Variants in POLH observed in about 807,000 individuals in gnomAD.
POLH encodes DNA polymerase eta.
Under a neutral mutation model 73.6 loss-of-function variants are expected in POLH, and 53 were observed. The observed-to-expected ratio is 0.72, with a 90% CI of 0.58 to 0.91. The LOEUF (loss-of-function observed/expected upper bound fraction) is 0.91. Among genes scored for constraint, POLH ranks in the 40% least tolerant of loss-of-function variants. POLH has a pLI of 0.00. For synonymous variants in POLH, 292 were observed against 308.5 expected (o/e 0.95, Z 0.56); for missense variants, 768 against 865.4 (o/e 0.89, Z 1.41).
At position 43,619,067 on chromosome 6, in the gene POLH, C is replaced by T. The variant is rs559406866; in HGVS notation, c.*4510C>T. ...AAAAATATTTTCTGCTTTTATGATA[C>T]TTGAATATCTAATAAAAGACAATAT... On this transcript the variant is annotated 3_prime_UTR_variant, in exon 11 of 11. Coordinates refer to ENST00000372236, the MANE Select transcript of POLH (RefSeq NM_006502.3). Among the ~76,000 whole-genome samples the T allele has an allele frequency of 4.6e-5, 7 of 151,658 alleles. No homozygotes were observed. Among genetic ancestry groups the T allele is most frequent in the African/African-American group, 1.7e-4 (7 of 41,320 alleles).
In POLH at chr6:43,583,004, T is replaced by G. The variant is rs764562240; in HGVS notation, c.138-3T>G. ...TTCTGTTTCCTTTTTTTTCTAACCT[T>G]AGAATAATTGCAGTGAGTTATGAAG... is the stretch of plus-strand genomic sequence containing the variant. On this transcript the variant is annotated splice_region_variant and splice_polypyrimidine_tract_variant and intron_variant, in intron 2 of 10. Transcript: ENST00000372236. 1.4e-5 allele frequency: 22 copies of G among 1,612,742 alleles called. No homozygotes were observed. The highest frequency in any genetic ancestry group is 1.9e-5 in the Non-Finnish European group (22 of 1,178,894).
chr6:43,614,571 C>A lies in POLH; in HGVS notation c.*14C>A. 1 of 1,605,240 alleles carries A rather than the reference C, an allele frequency of 6.2e-7. No homozygotes were observed. The highest frequency in any genetic ancestry group is 8.5e-7 in the Non-Finnish European group (1 of 1,173,168). On this transcript the variant is annotated 3_prime_UTR_variant, in exon 11 of 11. Transcript: ENST00000372236. ...TTAACACATTAGTGCTGCCCTCAGG[C>A]TTGCCTGTAGGATTTAATATTTTTT...
At chr6:43,580,238 A>G (rs1238032184) in intron 1 of POLH, among the ~76,000 whole-genome samples, 1 of 140,070 alleles carries the variant, frequency 7.1e-6, no homozygotes, top group Non-Finnish European at 1.5e-5. Flanking sequence ...AAGGTCACAG[A>G]TCAACAGGAT....
Position 43,613,756 on chromosome 6 carries a change from C to T in POLH, c.1341C>T (p.Asp447=). The T allele has an allele frequency of 6.2e-7, 1 of 1,613,742 alleles. No individual in the cohort carries two copies. The highest frequency in any genetic ancestry group is 8.5e-7 in the Non-Finnish European group (1 of 1,179,864). The change falls in exon 11 of 11, where the codon GAC becomes GAT. Residue 447 remains aspartate, a synonymous_variant. Transcript: ENST00000372236. ...ACATCACCAGCTTCTTGAGCAGTGA[C>T]CCAAGTTCTCTGCCAAAGGTGCCAG... ...STDITSFLSS[D]PSSLPKVPVT... is the part of the protein sequence containing the mutation.
intron 6 of POLH, 39 bp from the exon 7 acceptor site, chr6:43,603,853 T>C (rs1309298042): frequency 6.2e-7 from 1 of 1,608,164 alleles, no homozygotes; most frequent in African/African-American, 1.3e-5. Flanking sequence ...TAGATAGTTA[T>C]GATGTGACCT....
chr6:43,614,889 G>A lies in POLH; in HGVS notation c.*332G>A, dbSNP rs548509005. ...CTCTGGTTATTGCAATGAGGGCCTT[G>A]AACAAGTCATTTTCTTCACATTCTC... On this transcript the variant is annotated 3_prime_UTR_variant, in exon 11 of 11. Transcript: ENST00000372236. The A allele has an allele frequency of 3.6e-5, 10 of 281,268 alleles. No homozygotes were observed. The highest frequency in any genetic ancestry group is 6.7e-5 in the Non-Finnish European group (10 of 149,334). The allele number at this position is 281,268 out of a possible 1,614,324, so 17.4% of individuals were successfully genotyped here.
rs1767079240 is a variant in POLH at position 43,604,620 on chromosome 6, G to A, written c.890G>A (p.Trp297Ter). 3.1e-6 allele frequency: 5 copies of A among 1,613,912 alleles called. No homozygotes were observed. Among genetic ancestry groups the A allele is most frequent in the Non-Finnish European group, 4.2e-6 (5 of 1,179,932 alleles). Reference protein sequence around the residue: ...QSHFGEKNGSWLYAMCRGIEH... With the variant: ...QSHFGEKNGS The stretch of plus-strand genomic sequence containing the variant: ...TTTTTTGCTGGTCTTATTAGGTCTT[G>A]GCTATATGCCATGTGCCGAGGGATT... Residue 297 changes from tryptophan (W) to a stop codon, truncating the protein, a stop_gained, in exon 8 of 11, where the codon TGG becomes TAG. Transcript: ENST00000372236. LOFTEE classifies it high-confidence loss of function.
At chr6:43,580,941 C>T (rs1764082079) in intron 1 of POLH, among the ~76,000 whole-genome samples, 1 of 148,734 alleles carries the variant, frequency 6.7e-6, no homozygotes. Flanking sequence ...AGGCGGGGGG[C>T]TGACCCCCCC....
intron 10 of POLH, 74 bp from the exon 11 acceptor site, chr6:43,613,586 C>A (rs1284343307): frequency 3.4e-6 from 4 of 1,189,912 alleles, no homozygotes; most frequent in African/African-American, 1.5e-5. Flanking sequence ...AGATACAATT[C>A]ATGGAATTAG....
chr6:43,618,976 A>G lies in POLH; in HGVS notation c.*4419A>G, dbSNP rs957893808. ...ATTTATAAATTGGGGGGGGGGTTCT[A>G]TATTTAGTTTGAAGAGGTGGGGAAG... On this transcript the variant is annotated 3_prime_UTR_variant, in exon 11 of 11. Transcript: ENST00000372236. Among the ~76,000 whole-genome samples the G allele has an allele frequency of 1.3e-5, 2 of 149,716 alleles. No homozygotes were observed. Among genetic ancestry groups the G allele is most frequent in the South Asian group, 2.1e-4 (1 of 4,746 alleles).
intron 5 of POLH, among the ~76,000 whole-genome samples, chr6:43,598,615 C>T (rs1766371136): frequency 6.8e-6 from 1 of 146,494 alleles, no homozygotes; most frequent in South Asian, 2.1e-4. Context: ...GCCTGGGCGA[C>T]AGAGCAAAGA....
intron 4 of POLH, among the ~76,000 whole-genome samples, chr6:43,594,806 T>C (rs1355318652): frequency 2.0e-5 from 3 of 152,234 alleles, no homozygotes; most frequent in Non-Finnish European, 4.4e-5. Context: ...CAAAGTCACA[T>C]GGTCAGTAGG....
At chr6:43,596,362 A>G (rs1215654478) in intron 4 of POLH, among the ~76,000 whole-genome samples, 1 of 152,114 alleles carries the variant, frequency 6.6e-6, no homozygotes, top group South Asian at 2.1e-4. Flanking sequence ...AGGCGCCTGT[A>G]GTCCCAGCTA....
rs1767793970 is a variant in POLH at position 43,610,633 on chromosome 6, G to A, written c.1154G>A (p.Cys385Tyr). 6.2e-7 allele frequency: 1 copy of A among 1,613,866 alleles called. No individual in the cohort carries two copies. The highest frequency in any genetic ancestry group is 8.5e-7 in the Non-Finnish European group (1 of 1,179,886). The change falls in exon 10 of 11, where the codon TGT (cysteine) becomes TAT (tyrosine). Residue 385 changes from cysteine (C) to tyrosine (Y), a missense_variant. By Grantham distance (194) the Cys-to-Tyr change is radical. Coordinates refer to ENST00000372236, the MANE Select transcript of POLH (RefSeq NM_006502.3). ...DKRLSSLRRCCALTRYDAHKM... is the reference protein window; with the variant it reads ...DKRLSSLRRCYALTRYDAHKM... ...CGCCTCAGCAGCCTGCGCCGCTGCT[G>A]TGCCCTTACCCGCTATGATGCTCAC...
At chr6:43,611,694 T>C (rs1282727149) in intron 10 of POLH, among the ~76,000 whole-genome samples, 1 of 152,188 alleles carries the variant, frequency 6.6e-6, no homozygotes, top group Admixed American at 6.6e-5. Context: ...TAATCGCTTA[T>C]TACTTATCTA....
chr6:43,605,369 C>G, intron 9 of POLH, 50 bp downstream of exon 9: 1 of 895,578 alleles, frequency 1.1e-6, no homozygotes, highest in Non-Finnish European at 1.9e-6. Context: ...ATTTACATAT[C>G]AGCTGCTCTT....
intron 3 of POLH, among the ~76,000 whole-genome samples, chr6:43,584,910 A>T (rs1387539022): frequency 6.6e-6 from 1 of 152,126 alleles, no homozygotes; most frequent in African/African-American, 2.4e-5. Context: ...GGAGGCTGAG[A>T]CAGGAGGATT....
chr6:43,606,803 T>A (rs1767353389), intron 9 of POLH, among the ~76,000 whole-genome samples: 1 of 152,152 alleles, frequency 6.6e-6, no homozygotes, highest in Non-Finnish European at 1.5e-5. Flanking sequence ...TTAAAATAAT[T>A]CAGTGGTTTT....
rs938747374 is a variant in POLH at position 43,605,723 on chromosome 6, AT to A, written c.1074+413del. ...TCTTTTTAAATTTTTTAATTTTTTA[AT>A]TTTTTTTTGAGACATAGAGTTTTCC... On this transcript the variant is annotated intron_variant, in intron 9 of 10. Coordinates refer to ENST00000372236, the MANE Select transcript of POLH (RefSeq NM_006502.3). 4.4e-3 allele frequency among the ~76,000 whole-genome samples: 663 copies of A among 150,232 alleles called. 5 individuals are homozygous for A. The highest frequency in any genetic ancestry group is 0.015 in the African/African-American group (613 of 40,970).
Sources: gnomAD v4.1 joint callset for allele counts (sites outside exome capture counted in the v4.1 genomes callset) on GRCh38, gnomAD v4.1.1 for gene constraint, MANE v1.5 for transcripts, NCBI Gene and HGNC (gene_info 2026-07-23, HGNC 2026-07-21) for gene names.